Variants in PLCG2 observed in about 807,000 individuals in gnomAD.
PLCG2 encodes the protein 1-phosphatidylinositol 4,5-bisphosphate phosphodiesterase gamma-2.
Under a neutral mutation model 175.6 loss-of-function variants are expected in PLCG2, and 69 were observed. The observed-to-expected ratio is 0.39, with a 90% confidence interval of 0.32 to 0.48. The LOEUF (loss-of-function observed/expected upper bound fraction) is 0.48, where lower values mean the gene tolerates loss of function less well. Ranked by LOEUF, PLCG2 falls within the 20% of genes least tolerant of loss-of-function variation. PLCG2 has a pLI of 0.91. For missense variants in PLCG2, 1,798 were observed against 1,650.9 expected, an observed-to-expected ratio of 1.09 and a Z score of -1.54; for synonymous variants, 827 against 624.0, an observed-to-expected ratio of 1.33 and a Z score of -4.85.
chr16:81,777,200 A>G (rs923673656), upstream of PLCG2, among the ~76,000 whole-genome samples: 1 of 152,160 alleles, frequency 6.6e-6, no homozygotes, highest in African/African-American at 2.4e-5. Flanking sequence ...CAGAATTGGC[A>G]TCTGTCAAGA....
At chr16:81,810,763 G>A (rs969994985) in intron 2 of PLCG2, among the ~76,000 whole-genome samples, 2 of 151,544 alleles carry the variant, frequency 1.3e-5, no homozygotes, top group Admixed American at 6.6e-5. Context: ...TGGATCATTT[G>A]CTCAGGGCAA....
At chr16:81,858,410 G>A in intron 4 of PLCG2, 54 bp downstream of exon 4, 1 of 1,264,120 alleles carries the variant, frequency 7.9e-7, no homozygotes, top group Non-Finnish European at 1.2e-6. Flanking sequence ...TTATTCTGCT[G>A]CCTTTAGCCA....
At chr16:81,805,514 A>C (rs184041296) in intron 2 of PLCG2, among the ~76,000 whole-genome samples, 14,094 of 148,818 alleles carry the variant, frequency 0.095, 760 homozygotes, top group South Asian at 0.14. Context: ...AAAAAAAAAA[A>C]AAAACAAAAC....
chr16:81,910,806 GC>G, intron 18 of PLCG2, 86 bp downstream of exon 18: 1 of 1,311,460 alleles, frequency 7.6e-7, no homozygotes, highest in Non-Finnish European at 1.1e-6. Flanking sequence ...GTTCAGCCGG[GC>G]CAGTCCCCCA....
rs1436497369 is a variant in PLCG2, at chr16:81,958,828, C to A, written c.*830C>A. 4.5e-6 allele frequency: 1 copy of A among 221,866 alleles called. No homozygotes were observed. The highest frequency in any genetic ancestry group is 5.8e-5 in the Admixed American group (1 of 17,378). 13.7% of individuals were successfully genotyped at this position (221,866 alleles called of 1,614,324 possible). A position where few individuals can be genotyped will look rare whatever the true frequency, so the allele number is the denominator to read the frequency against. On this transcript the variant is annotated 3_prime_UTR_variant, in exon 33 of 33. Transcript: ENST00000564138. ...TGCTGGAATGGCCCTTGGTCCACAG[C>A]TCTCCACAGGCAAGAGGTCAACTGC...
intron 7 of PLCG2, among the ~76,000 whole-genome samples, chr16:81,875,765 C>A (rs57123466): frequency 0.046 from 6,994 of 152,184 alleles, 373 homozygotes; most frequent in African/African-American, 0.13. Flanking sequence ...TGCAAAAAAT[C>A]AAAAAGAAAA....
At chr16:81,935,493 T>C in intron 26 of PLCG2, 1 of 984,398 alleles carries the variant, frequency 1.0e-6, no homozygotes, top group Non-Finnish European at 1.2e-6. Flanking sequence ...GTACGTATTT[T>C]TTTCTTTGGG....
chr16:81,867,934 C>T (rs1315552998), intron 5 of PLCG2, among the ~76,000 whole-genome samples: 6 of 152,138 alleles, frequency 3.9e-5, no homozygotes, highest in Admixed American at 6.5e-5. Context: ...CCTCTGACCT[C>T]GTGATCCGCC....
intron 9 of PLCG2, among the ~76,000 whole-genome samples, chr16:81,886,258 G>A (rs1012960615): frequency 6.6e-6 from 1 of 152,168 alleles, no homozygotes; most frequent in African/African-American, 2.4e-5. Flanking sequence ...TTAGAGATCA[G>A]GGATCTGGGG....
In PLCG2 at chr16:81,869,938, C is replaced by T. The variant is rs926956262; in HGVS notation, c.564+640C>T. On this transcript the variant is annotated intron_variant, in intron 6 of 32. Transcript: ENST00000564138. ...TCTTCTTAGGAAATGAGCAACCCTG[C>T]ATCCAAACAGCCCCAGTTGGAGGAC... Among the ~76,000 whole-genome samples, 4 of 152,328 alleles carry T rather than the reference C, an allele frequency of 2.6e-5. No homozygotes were observed. In the East Asian group the frequency reaches 7.7e-4, roughly 29 times the overall value.
At chr16:81,844,624 C>T (rs936826182) in intron 2 of PLCG2, among the ~76,000 whole-genome samples, 4 of 152,246 alleles carry the variant, frequency 2.6e-5, no homozygotes, top group East Asian at 1.9e-4. Flanking sequence ...GCCTGGCCCA[C>T]ACCTTCACTG....
chr16:81,857,108 T>C (rs561110482), intron 3 of PLCG2, among the ~76,000 whole-genome samples: 9 of 152,344 alleles, frequency 5.9e-5, no homozygotes, highest in South Asian at 2.1e-4. Flanking sequence ...TTTGTGGTCA[T>C]TTGTTATAGC....
chr16:81,956,082 G>A (rs902528610), intron 31 of PLCG2, among the ~76,000 whole-genome samples: 5 of 152,100 alleles, frequency 3.3e-5, no homozygotes, highest in African/African-American at 4.8e-5. Context: ...CCAGACCCCG[G>A]TGACCTTTAA....
At chr16:81,943,491 C>A (rs192106684) in intron 30 of PLCG2, among the ~76,000 whole-genome samples, 243 of 152,284 alleles carry the variant, frequency 1.6e-3, no homozygotes, top group African/African-American at 5.7e-3. Flanking sequence ...ACCTCCCACC[C>A]GGCCCCAGCT....
At chr16:81,948,931 T>C (rs1597152410) in intron 31 of PLCG2, among the ~76,000 whole-genome samples, 1 of 152,180 alleles carries the variant, frequency 6.6e-6, no homozygotes, top group Non-Finnish European at 1.5e-5. Context: ...CCTCAGATGA[T>C]GAGAACTGTA....
In PLCG2 at chr16:81,931,515, A is replaced by G. The variant is rs767599145; in HGVS notation, c.2600A>G (p.Lys867Arg). 110 of 1,613,984 alleles carry G rather than the reference A, an allele frequency of 6.8e-5. No individual in the cohort carries two copies. The highest frequency in any genetic ancestry group is 8.8e-5 in the Non-Finnish European group (104 of 1,180,006). Residue 867 changes from lysine to arginine, a missense_variant, in exon 25 of 33, where the codon AAA becomes AGA. Physicochemically the swap from Lys to Arg is conservative, Grantham distance 26. Transcript: ENST00000564138. ...CCCCAAGTGAAAGCCCCTCAGGGAA[A>G]AAACCAGAAGTCCTTTGTCTTCATC... ...TYNVVKAPQG[K>R]NQKSFVFILE... is the part of the protein sequence containing the mutation.
rs1051561204 is a variant in PLCG2, at chr16:81,848,464, C to T, written c.194-5980C>T. Among the ~76,000 whole-genome samples, 3 of 152,138 alleles carry T rather than the reference C, an allele frequency of 2.0e-5. No individual in the cohort carries two copies. In the East Asian group the frequency reaches 5.8e-4, roughly 29 times the overall value. On this transcript the variant is annotated intron_variant, in intron 2 of 32. Coordinates refer to ENST00000564138, the MANE Select transcript of PLCG2 (RefSeq NM_002661.5). ...GCTGTTAGAATTTCATTCTTTCTTTCTTACCATGCTCTGTCTCTCTGCCTT... is the reference window on the plus strand; with the variant it reads ...GCTGTTAGAATTTCATTCTTTCTTTTTTACCATGCTCTGTCTCTCTGCCTT...
rs762900860 is a variant in PLCG2, at chr16:81,854,516, G to T, written c.266G>T (p.Arg89Leu). 1.9e-6 allele frequency: 3 copies of T among 1,613,778 alleles called. No homozygotes were observed. The highest frequency in any genetic ancestry group is 2.2e-5 in the East Asian group (1 of 44,888). The part of the protein sequence containing the change: ...SKDFERAKAV[R>L]QKEDCCFTIL... ...GATTTCGAGCGAGCAAAAGCAGTTCGCCAGAAAGAAGACTGCTGCTTCACC... is the reference window on the plus strand; with the variant it reads ...GATTTCGAGCGAGCAAAAGCAGTTCTCCAGAAAGAAGACTGCTGCTTCACC... Residue 89 changes from arginine to leucine, a missense_variant, in exon 3 of 33, where the codon CGC (arginine) becomes CTC (leucine). By Grantham distance (102) the Arg-to-Leu change is moderately radical. Coordinates refer to ENST00000564138, the MANE Select transcript of PLCG2 (RefSeq NM_002661.5).
At chr16:81,837,622 C>A (rs570346088) in intron 2 of PLCG2, among the ~76,000 whole-genome samples, 3 of 151,804 alleles carry the variant, frequency 2.0e-5, no homozygotes, top group African/African-American at 7.3e-5. Context: ...GTGTGGTTTC[C>A]TTCTCAGTTC....
Sources: gnomAD v4.1 joint callset for allele counts (sites outside exome capture counted in the v4.1 genomes callset) on GRCh38, gnomAD v4.1.1 for gene constraint, MANE v1.5 for transcripts, NCBI Gene and HGNC (gene_info 2026-07-23, HGNC 2026-07-21) for gene names.